The following MB variants were observed in gnomAD, a reference collection of about 807,000 sequenced individuals.
MB encodes the protein nitrite reductase MB.
MB carries 10 observed loss-of-function variants against 14.5 expected under a neutral mutation model. The ratio of observed to expected loss-of-function variants is 0.69; its 90% confidence interval spans 0.43 to 1.17. The LOEUF is 1.17. MB is among the 50% of genes most tolerant of loss of function. The pLI is 0.00. For synonymous variants in MB, 89 were observed against 78.6 expected, an observed-to-expected ratio of 1.13 and a Z score of -0.70; for missense variants, 169 against 192.7, an observed-to-expected ratio of 0.88 and a Z score of 0.73.
intron 2 of MB, among the ~76,000 whole-genome samples, chr22:35,609,586 A>G (rs1023119556): frequency 6.6e-6 from 1 of 152,210 alleles, no homozygotes; most frequent in African/African-American, 2.4e-5. Context: ...GCCTGGTTCC[A>G]GAGTACCATG....
intron 1 of MB, among the ~76,000 whole-genome samples, chr22:35,611,421 G>T (rs1922621768): frequency 6.6e-6 from 1 of 152,154 alleles, no homozygotes; most frequent in South Asian, 2.1e-4. Flanking sequence ...CTATTGCAGG[G>T]GTGCTGTCCA....
chr22:35,614,563 T>TGGC lies in MB; in HGVS notation c.95+2599_95+2600insGCC, dbSNP rs1173091839. On this transcript the variant is annotated intron_variant, in intron 1 of 2. Transcript: ENST00000397326. The stretch of plus-strand genomic sequence containing the variant: ...GAATTCCAGCTCCTTTCTTACTTGC[T>TGGC]GTGTGACTTGGCGTAAGTTACTTAA... Among the ~76,000 whole-genome samples the TGGC allele has an allele frequency of 2.6e-5, 4 of 152,172 alleles. No individual in the cohort carries two copies. In the East Asian group the frequency reaches 7.7e-4, roughly 29 times the overall value.
At chr22:35,615,278 G>A (rs1167528727) in intron 1 of MB, among the ~76,000 whole-genome samples, 2 of 152,096 alleles carry the variant, frequency 1.3e-5, no homozygotes, top group African/African-American at 2.4e-5. Flanking sequence ...CTGCCCCCAG[G>A]GAGGCCATCC....
At chr22:35,613,195 C>T (rs1323134664) in intron 1 of MB, among the ~76,000 whole-genome samples, 1 of 152,240 alleles carries the variant, frequency 6.6e-6, no homozygotes, top group Non-Finnish European at 1.5e-5. Context: ...GAGGTCAGGA[C>T]GCTGAAAGCA....
intron 2 of MB, among the ~76,000 whole-genome samples, chr22:35,609,719 ACTG>A (rs1569118792): frequency 6.6e-5 from 10 of 152,170 alleles, no homozygotes. Context: ...TGGGGCAGAG[ACTG>A]CTAATTACGT....
Position 35,607,054 on chromosome 22 carries a change from G to A in MB, c.*243C>T. 2.2e-6 allele frequency: 1 copy of A among 448,198 alleles called. No individual in the cohort carries two copies. Among genetic ancestry groups the A allele is most frequent in the Non-Finnish European group, 4.0e-6 (1 of 251,136 alleles). 27.8% of individuals were successfully genotyped at this position (448,198 alleles called of 1,614,324 possible). ...GACAATTAATTCAGATCCAAACCAT[G>A]CAGAACACAGTGAGCCAAGGGCCAC... On this transcript the variant is annotated 3_prime_UTR_variant, in exon 3 of 3. Transcript: ENST00000397326.
Position 35,610,895 on chromosome 22 carries a change from T to A in MB, c.307A>T (p.Lys103Ter), listed in dbSNP as rs1315330423. Residue 103 changes from lysine (K) to a stop codon, truncating the protein, a stop_gained, in exon 2 of 3, where the codon AAG (lysine) becomes TAG (stop). Coordinates refer to ENST00000397326, the MANE Select transcript of MB (RefSeq NM_005368.3). LOFTEE classifies it high-confidence loss of function. ...GGCTCTGCTCCTACCTCCAGGTACT[T>A]CACGGGGATCTTGTGCTTGGTGGCA... The part of the protein sequence containing the change: ...SHATKHKIPV[K>*]YLEFISECII... 1.2e-6 allele frequency: 2 copies of A among 1,613,972 alleles called. No homozygotes were observed. The highest frequency in any genetic ancestry group is 1.7e-6 in the Non-Finnish European group (2 of 1,179,920).
chr22:35,609,332 G>T (rs1425231095), intron 2 of MB, among the ~76,000 whole-genome samples: 1 of 152,192 alleles, frequency 6.6e-6, no homozygotes, highest in Admixed American at 6.5e-5. Context: ...AAGCCTCGTG[G>T]GCCTGGGGTT....
rs1350891272 is a variant in MB at position 35,608,360 on chromosome 22, G to A, written c.319-917C>T. On this transcript the variant is annotated intron_variant, in intron 2 of 2. Coordinates refer to ENST00000397326, the MANE Select transcript of MB (RefSeq NM_005368.3). The surrounding 1 kb of genome is among the most constrained non-coding windows in gnomAD (Gnocchi z 4.3). The stretch of plus-strand genomic sequence containing the variant: ...AAGCAGAGAGCAGAGATGGATTTGC[G>A]CCCAGGAGGCTGTGGGCAGGCCACT... Among the ~76,000 whole-genome samples, 3 of 152,238 alleles carry A rather than the reference G, an allele frequency of 2.0e-5. No homozygotes were observed. Among genetic ancestry groups the A allele is most frequent in the South Asian group, 4.1e-4 (2 of 4,834 alleles).
At chr22:35,621,590 C>G (rs910347720), upstream of MB, among the ~76,000 whole-genome samples, 1 of 152,174 alleles carries the variant, frequency 6.6e-6, no homozygotes. Flanking sequence ...TACAGATCAT[C>G]ATCTGGCATC....
chr22:35,619,848 G>A (rs1923349265), upstream of MB, among the ~76,000 whole-genome samples: 1 of 152,164 alleles, frequency 6.6e-6, no homozygotes, highest in Non-Finnish European at 1.5e-5. Context: ...GGAGCCTTGT[G>A]TCTCCATTCA....
upstream of MB, among the ~76,000 whole-genome samples, chr22:35,618,830 CTCAT>C (rs1225388626): frequency 6.6e-6 from 1 of 151,414 alleles, no homozygotes; most frequent in Non-Finnish European, 1.5e-5. Context: ...CACCCATCCC[CTCAT>C]TCATCCATTC....
chr22:35,618,052 AT>A (rs1923214455), upstream of MB, among the ~76,000 whole-genome samples: 1 of 152,188 alleles, frequency 6.6e-6, no homozygotes, highest in African/African-American at 2.4e-5. Context: ...CATTAGGATA[AT>A]AGCAGCCAGC....
intron 1 of MB, among the ~76,000 whole-genome samples, chr22:35,613,021 C>T (rs1922762086): frequency 6.6e-6 from 1 of 152,234 alleles, no homozygotes; most frequent in African/African-American, 2.4e-5. Context: ...AACATTGCCA[C>T]CTCGCTCCAG....
chr22:35,617,926 T>C (rs1303689687), upstream of MB, among the ~76,000 whole-genome samples: 1 of 152,244 alleles, frequency 6.6e-6, no homozygotes, highest in Non-Finnish European at 1.5e-5. Flanking sequence ...AAGTTTTTCT[T>C]GACATACTCC....
chr22:35,608,916 T>A lies in MB; in HGVS notation c.319-1473A>T, dbSNP rs1922362912. ...AGAGACAATCTGTCCACAGGTGAGG[T>A]GGAGACTGTCTTATGAACAGCGCAG... is the stretch of plus-strand genomic sequence containing the variant. On this transcript the variant is annotated intron_variant, in intron 2 of 2. Transcript: ENST00000397326. The surrounding 1 kb of genome is among the most constrained non-coding windows in gnomAD (Gnocchi z 4.3). Among the ~76,000 whole-genome samples the A allele has an allele frequency of 6.6e-6, 1 of 152,032 alleles. No homozygotes were observed. Among genetic ancestry groups the A allele is most frequent in the South Asian group, 2.1e-4 (1 of 4,822 alleles).
rs1327610432 is a variant in MB at position 35,608,330 on chromosome 22, G to A, written c.319-887C>T. On this transcript the variant is annotated intron_variant, in intron 2 of 2. Transcript: ENST00000397326. This position sits in a 1 kb window ranked among gnomAD's most constrained non-coding sequence, Gnocchi z 4.3. ...AATCAAGTGGCCAGACCGAGGTCAC[G>A]CAGGAAGCAGAGAGCAGAGATGGAT... Among the ~76,000 whole-genome samples, 4 of 152,344 alleles carry A rather than the reference G, an allele frequency of 2.6e-5. No homozygotes were observed. The highest frequency in any genetic ancestry group is 2.1e-4 in the South Asian group (1 of 4,834).
chr22:35,610,515 C>A (rs1922525520), intron 2 of MB, among the ~76,000 whole-genome samples: 1 of 152,166 alleles, frequency 6.6e-6, no homozygotes, highest in African/African-American at 2.4e-5. Context: ...CCTCCTGTGA[C>A]CGTGGACAAG....
intron 1 of MB, among the ~76,000 whole-genome samples, chr22:35,615,964 G>A (rs988317620): frequency 6.6e-6 from 1 of 152,132 alleles, no homozygotes; most frequent in South Asian, 2.1e-4. Context: ...TTTAGATAAC[G>A]GAGCTTCCAG....
Sources: allele counts gnomAD v4.1 joint callset (sites outside exome capture counted in the v4.1 genomes callset), GRCh38; gene constraint gnomAD v4.1.1; non-coding constraint Gnocchi (gnomAD v3.1); transcripts MANE v1.5; gene names NCBI Gene and HGNC (gene_info 2026-07-23, HGNC 2026-07-21).